Variants in AGAP1 observed in about 807,000 individuals in gnomAD.
The protein encoded by AGAP1 is ArfGAP with GTPase domain, ankyrin repeat and PH domain 1.
A neutral mutation model predicts 105.3 loss-of-function variants in AGAP1; 29 were observed. The ratio of observed to expected loss-of-function variants is 0.28; its 90% CI spans 0.21 to 0.38. AGAP1 has a LOEUF of 0.38. Ranked by LOEUF, AGAP1 falls within the 10% of genes least tolerant of loss-of-function variation. The probability of loss-of-function intolerance (pLI) is 1.00; values close to 1 mark genes in which losing one functional copy is unlikely to be tolerated. For missense variants in AGAP1, 998 were observed against 1,165.1 expected, an observed-to-expected ratio of 0.86 and a Z score of 2.09; for synonymous variants, 509 against 485.9, an observed-to-expected ratio of 1.05 and a Z score of -0.63.
At position 235,799,351 on chromosome 2, in the gene AGAP1, A is replaced by G. The variant is rs757374729; in HGVS notation, c.802-16A>G. Reference sequence around the variant, plus strand: ...GAGTATGTCGTTAATGAAACCTTGGATTTTAATCATTTCAGACAAGTAATG... The same window carrying G: ...GAGTATGTCGTTAATGAAACCTTGGGTTTTAATCATTTCAGACAAGTAATG... On this transcript the variant is annotated splice_polypyrimidine_tract_variant and intron_variant, in intron 7 of 17. Transcript: ENST00000304032. This position sits in a 1 kb window ranked among gnomAD's most constrained non-coding sequence, Gnocchi z 5.0. 6.2e-7 allele frequency: 1 copy of G among 1,612,518 alleles called. No individual in the cohort carries two copies. The highest frequency in any genetic ancestry group is 8.5e-7 in the Non-Finnish European group (1 of 1,179,020).
rs1449115652 is a variant in AGAP1, at chr2:235,720,793, C to T, written c.310+3149C>T. The T allele has an allele frequency of 1.2e-6, 1 of 823,556 alleles. No homozygotes were observed. The highest frequency in any genetic ancestry group is 1.5e-6 in the Non-Finnish European group (1 of 682,714). The allele number at this position is 823,556 out of a possible 1,614,324, so 51.0% of individuals were successfully genotyped here. The stretch of plus-strand genomic sequence containing the variant: ...TGGGAGGGGTGAGGGTGAGGGCCTT[C>T]CTGTCTTCAGGGGAGAGCTCTCTCG... On this transcript the variant is annotated intron_variant, in intron 3 of 17. Transcript: ENST00000304032. This position sits in a 1 kb window ranked among gnomAD's most constrained non-coding sequence, Gnocchi z 5.0.
chr2:235,724,218 G>A lies in AGAP1; in HGVS notation c.310+6574G>A, dbSNP rs536568289. 2.6e-5 allele frequency among the ~76,000 whole-genome samples: 4 copies of A among 152,344 alleles called. No homozygotes were observed. The highest frequency in any genetic ancestry group is 7.2e-5 in the African/African-American group (3 of 41,586). On this transcript the variant is annotated intron_variant, in intron 3 of 17. Coordinates refer to ENST00000304032, the MANE Select transcript of AGAP1 (RefSeq NM_001037131.3). This position sits in a 1 kb window ranked among gnomAD's most constrained non-coding sequence, Gnocchi z 4.9. ...CTCCAAGGCTGAGGCAGCCCTGAATGTGCCTAGGCCAACAGCCAGCGAGCT... is the reference window on the plus strand; with the variant it reads ...CTCCAAGGCTGAGGCAGCCCTGAATATGCCTAGGCCAACAGCCAGCGAGCT...
rs911886551 is a variant in AGAP1, at chr2:235,853,046, A to C, written c.1051-30299A>C. 9 of 1,240,768 alleles carry C rather than the reference A, an allele frequency of 7.3e-6. No homozygotes were observed. The African/African-American group carries it at 1.1e-4, about 15-fold the overall frequency. 76.9% of individuals were successfully genotyped at this position (1,240,768 alleles called of 1,614,324 possible). A position where few individuals can be genotyped will look rare whatever the true frequency, so the allele number is the denominator to read the frequency against. On this transcript the variant is annotated intron_variant, in intron 9 of 17. Coordinates refer to ENST00000304032, the MANE Select transcript of AGAP1 (RefSeq NM_001037131.3). ...ACTCACAAAAGACCCCTTAATTTCT[A>C]TAGCGGGCAATTCAGTCCACAAAGG...
intron 1 of AGAP1, among the ~76,000 whole-genome samples, chr2:235,573,094 T>C (rs1944624819): frequency 6.8e-6 from 1 of 146,590 alleles, no homozygotes. Context: ...TCTTCTTTCT[T>C]CTTCTTCTTC....
rs1961074153 is a variant in AGAP1, at chr2:235,843,263, T to C, written c.1050+35932T>C. Among the ~76,000 whole-genome samples the C allele has an allele frequency of 6.6e-6, 1 of 152,116 alleles. No individual in the cohort carries two copies. Among genetic ancestry groups the C allele is most frequent in the Non-Finnish European group, 1.5e-5 (1 of 68,024 alleles). On this transcript the variant is annotated intron_variant, in intron 9 of 17. Coordinates refer to ENST00000304032, the MANE Select transcript of AGAP1 (RefSeq NM_001037131.3). The surrounding 1 kb of genome is among the most constrained non-coding windows in gnomAD (Gnocchi z 5.9). Reference sequence around the variant, plus strand: ...AGGACCTGAGCTTCGGCTGCGGCCTTCCAGCCCCCTGGGTCTCACTGCTTG... The same window carrying C: ...AGGACCTGAGCTTCGGCTGCGGCCTCCCAGCCCCCTGGGTCTCACTGCTTG...
chr2:235,989,801 C>T lies in AGAP1; in HGVS notation c.1645+21178C>T, dbSNP rs555947562. On this transcript the variant is annotated intron_variant, in intron 13 of 17. Coordinates refer to ENST00000304032, the MANE Select transcript of AGAP1 (RefSeq NM_001037131.3). This position sits in a 1 kb window ranked among gnomAD's most constrained non-coding sequence, Gnocchi z 4.4. ...TGCGGGAGACGTGCATGGAGTGGAACGGTCACAGCAGCAGCTCACAGGGAG... is the reference window on the plus strand; with the variant it reads ...TGCGGGAGACGTGCATGGAGTGGAATGGTCACAGCAGCAGCTCACAGGGAG... 1.3e-5 allele frequency among the ~76,000 whole-genome samples: 2 copies of T among 152,260 alleles called. No individual in the cohort carries two copies. Among genetic ancestry groups the T allele is most frequent in the African/African-American group, 4.8e-5 (2 of 41,538 alleles).
chr2:235,878,285 C>T (rs965741661), intron 9 of AGAP1, among the ~76,000 whole-genome samples: 1 of 152,204 alleles, frequency 6.6e-6, no homozygotes, highest in Non-Finnish European at 1.5e-5. Context: ...AAAATGTATA[C>T]CTGTGGCCAG....
At position 235,663,540 on chromosome 2, in the gene AGAP1, C is replaced by G. The variant is rs532188247; in HGVS notation, c.164-45639C>G. Among the ~76,000 whole-genome samples, 128 of 152,292 alleles carry G rather than the reference C, an allele frequency of 8.4e-4. No individual in the cohort carries two copies. The highest frequency in any genetic ancestry group is 1.7e-3 in the South Asian group (8 of 4,820). On this transcript the variant is annotated intron_variant, in intron 1 of 17. Coordinates refer to ENST00000304032, the MANE Select transcript of AGAP1 (RefSeq NM_001037131.3). The surrounding 1 kb of genome is among the most constrained non-coding windows in gnomAD (Gnocchi z 5.4). ...AGAACTGTGTAAAATCACGCTCTTC[C>G]AGAAGCTGGGCTTTGTAATGGGGCT... is the stretch of plus-strand genomic sequence containing the variant.
rs188930334 is a variant in AGAP1 at position 235,607,003 on chromosome 2, C to A, written c.164-102176C>A. On this transcript the variant is annotated intron_variant, in intron 1 of 17. Coordinates refer to ENST00000304032, the MANE Select transcript of AGAP1 (RefSeq NM_001037131.3). ...ACCTTAAATTATAATTGTTTACGAA[C>A]CTGTTTCACACATATTATCTCATCT... Among the ~76,000 whole-genome samples, 307 of 148,800 alleles carry A rather than the reference C, an allele frequency of 2.1e-3. 10 individuals are homozygous for A. Among genetic ancestry groups the A allele is most frequent in the Admixed American group, 0.02 (293 of 14,876 alleles).
rs2051335877 is a variant in AGAP1 at position 235,906,970 on chromosome 2, C to A, written c.1156-1768C>A. The stretch of plus-strand genomic sequence containing the variant: ...GGCAGAGGTTACAGTGAGCTGAGTT[C>A]ATGCCACTCCACTCCAGCCTGGGCA... On this transcript the variant is annotated intron_variant, in intron 10 of 17. Transcript: ENST00000304032. The surrounding 1 kb of genome is among the most constrained non-coding windows in gnomAD (Gnocchi z 5.3). Among the ~76,000 whole-genome samples, 1 of 152,140 alleles carries A rather than the reference C, an allele frequency of 6.6e-6. No homozygotes were observed. Among genetic ancestry groups the A allele is most frequent in the South Asian group, 2.1e-4 (1 of 4,828 alleles).
chr2:235,862,027 G>C (rs374016953), intron 9 of AGAP1, among the ~76,000 whole-genome samples: 16 of 152,196 alleles, frequency 1.1e-4, no homozygotes, highest in African/African-American at 3.9e-4. Context: ...ATCAAAACCA[G>C]GAGTGCCTCC....
chr2:235,885,849 G>T (rs1461995935), intron 10 of AGAP1, among the ~76,000 whole-genome samples: 2 of 152,228 alleles, frequency 1.3e-5, no homozygotes, highest in Non-Finnish European at 2.9e-5. Context: ...ATGCAGATAT[G>T]GATAGATTCT....
At chr2:235,766,064 T>C (rs1954926413) in intron 6 of AGAP1, among the ~76,000 whole-genome samples, 1 of 152,164 alleles carries the variant, frequency 6.6e-6, no homozygotes, top group Non-Finnish European at 1.5e-5. Flanking sequence ...CACAGTTCGA[T>C]TCTTGTTTTA....
intron 1 of AGAP1, among the ~76,000 whole-genome samples, chr2:235,640,609 G>A (rs749830899): frequency 3.9e-5 from 6 of 152,100 alleles, no homozygotes; most frequent in Non-Finnish European, 7.4e-5. Flanking sequence ...TGTCTAATTG[G>A]CAATGACTGC....
At chr2:235,652,183 G>A (rs1947617555) in intron 1 of AGAP1, among the ~76,000 whole-genome samples, 1 of 152,154 alleles carries the variant, frequency 6.6e-6, no homozygotes, top group African/African-American at 2.4e-5. Flanking sequence ...TTCCCTGACT[G>A]GTCAACTGGA....
At chr2:235,858,361 T>A (rs1181840692) in intron 9 of AGAP1, among the ~76,000 whole-genome samples, 1 of 150,012 alleles carries the variant, frequency 6.7e-6, no homozygotes, top group African/African-American at 2.5e-5. Context: ...GTTGCACAGT[T>A]TCTAAGGGCT....
At position 235,577,446 on chromosome 2, in the gene AGAP1, C is replaced by T. The variant is rs767710784; in HGVS notation, c.163+82597C>T. ...CATTCTCTTGACCTTCTGCCCAAAG[C>T]CTTTGCCAGATGAGACACTGCCTCT... is the stretch of plus-strand genomic sequence containing the variant. On this transcript the variant is annotated intron_variant, in intron 1 of 17. Coordinates refer to ENST00000304032, the MANE Select transcript of AGAP1 (RefSeq NM_001037131.3). This position sits in a 1 kb window ranked among gnomAD's most constrained non-coding sequence, Gnocchi z 4.5. 6.6e-6 allele frequency among the ~76,000 whole-genome samples: 1 copy of T among 152,130 alleles called. No individual in the cohort carries two copies. Among genetic ancestry groups the T allele is most frequent in the Non-Finnish European group, 1.5e-5 (1 of 68,038 alleles).
At chr2:235,831,329 C>T (rs1418453020) in intron 9 of AGAP1, among the ~76,000 whole-genome samples, 3 of 152,304 alleles carry the variant, frequency 2.0e-5, no homozygotes, top group Admixed American at 1.3e-4. Context: ...AGCACTGTCA[C>T]CCTCAGTCCA....
At chr2:235,869,449 AAATT>A (rs2049333661) in intron 9 of AGAP1, among the ~76,000 whole-genome samples, 1 of 146,372 alleles carries the variant, frequency 6.8e-6, no homozygotes, top group Non-Finnish European at 1.5e-5. Context: ...AAAAAAAAAA[AAATT>A]AGCCGGGCGT....
Sources: gnomAD v4.1 joint callset for allele counts (sites outside exome capture counted in the v4.1 genomes callset) on GRCh38, gnomAD v4.1.1 for gene constraint, Gnocchi (gnomAD v3.1) non-coding constraint, MANE v1.5 for transcripts, NCBI Gene and HGNC (gene_info 2026-07-23, HGNC 2026-07-21) for gene names.